Variants in TTC6 observed in about 807,000 individuals in gnomAD.
TTC6 encodes the protein tetratricopeptide repeat domain 6, also known as tetratricopeptide repeat protein 6.
In TTC6, 172 loss-of-function variants were observed where a neutral mutation model predicts 210.4. The observed-to-expected ratio is 0.82, with a 90% CI of 0.72 to 0.93. TTC6 has a LOEUF of 0.93. Among genes scored for constraint, TTC6 ranks in the 40% least tolerant of loss-of-function variants. The probability of loss-of-function intolerance (pLI) is 0.00; values close to 1 mark genes in which losing one functional copy is unlikely to be tolerated. For synonymous variants in TTC6, 804 were observed against 819.6 expected (o/e 0.98, Z 0.32); for missense variants, 2,414 against 2,318.1 (o/e 1.04, Z -0.85).
At chr14:37,700,391 T>C (rs1031719810) in intron 4 of TTC6, among the ~76,000 whole-genome samples, 13 of 152,174 alleles carry the variant, frequency 8.5e-5, no homozygotes, top group Middle Eastern at 3.4e-3. Context: ...ATCTGGCATA[T>C]AGTAGGTGCT....
intron 1 of TTC6, among the ~76,000 whole-genome samples, chr14:37,677,254 A>G (rs915461606): frequency 6.6e-6 from 1 of 151,968 alleles, no homozygotes; most frequent in East Asian, 1.9e-4. Context: ...ATTTTATACA[A>G]GTCTTGTGGT....
At chr14:37,623,586 T>G (rs181998089) in intron 1 of TTC6, among the ~76,000 whole-genome samples, 2 of 152,350 alleles carry the variant, frequency 1.3e-5, no homozygotes, top group East Asian at 3.9e-4. Flanking sequence ...CATGCATTTT[T>G]GTCCCCATGA....
At chr14:37,749,071 A>G in exon 11 of TTC6, 1 of 1,535,734 alleles carries the variant, frequency 6.5e-7, no homozygotes, top group Non-Finnish European at 8.7e-7. Context: ...CTAAGGGAGG[A>G]ATTCCAGAAA....
chr14:37,796,505 T>G (rs1450928097), intron 19 of TTC6, 135 bp downstream of exon 21: 1 of 538,958 alleles, frequency 1.9e-6, no homozygotes, highest in Non-Finnish European at 3.2e-6. Context: ...GTTTTATATG[T>G]ACATTGCCAA....
At chr14:37,635,083 C>T (rs536811371) in intron 1 of TTC6, among the ~76,000 whole-genome samples, 11 of 152,254 alleles carry the variant, frequency 7.2e-5, no homozygotes, top group Non-Finnish European at 1.0e-4. Flanking sequence ...TCTCCTCTTG[C>T]GTTTTCTAGA....
At chr14:37,836,218 A>G (rs977662847) in intron 29 of TTC6, among the ~76,000 whole-genome samples, 1 of 152,118 alleles carries the variant, frequency 6.6e-6, no homozygotes, top group Non-Finnish European at 1.5e-5. Context: ...TCTTTCTTAC[A>G]TCCTTAAGCT....
intron 6 of TTC6, among the ~76,000 whole-genome samples, chr14:37,716,800 A>G (rs989649677): frequency 5.9e-5 from 9 of 152,134 alleles, no homozygotes; most frequent in Non-Finnish European, 8.8e-5. Flanking sequence ...AACCTCATCA[A>G]CCAGTAGGTT....
intron 1 of TTC6, among the ~76,000 whole-genome samples, chr14:37,645,598 C>T (rs180914815): frequency 2.8e-4 from 43 of 152,300 alleles, no homozygotes; most frequent in African/African-American, 9.9e-4. Context: ...GAGAACATCA[C>T]ATTGAGCAGA....
intron 25 of TTC6, among the ~76,000 whole-genome samples, chr14:37,814,434 T>C (rs1209849907): frequency 6.6e-6 from 1 of 151,812 alleles, no homozygotes; most frequent in Non-Finnish European, 1.5e-5. Flanking sequence ...TAAAAAAATA[T>C]TAAAAGAATC....
chr14:37,827,914 A>T (rs2096176045), intron 29 of TTC6: 1 of 152,366 alleles, frequency 6.6e-6, no homozygotes, highest in Non-Finnish European at 1.5e-5. Flanking sequence ...TCCAGTAAAC[A>T]TCCTTTTGGA....
At chr14:37,616,174 G>A (rs1595013436) in intron 2 of TTC6, among the ~76,000 whole-genome samples, 1 of 152,192 alleles carries the variant, frequency 6.6e-6, no homozygotes, top group Admixed American at 6.5e-5. Flanking sequence ...GTCAGTCGGA[G>A]ACGTGTGGGG....
At chr14:37,839,355 G>A (rs1213962068) in intron 29 of TTC6, among the ~76,000 whole-genome samples, 2 of 152,124 alleles carry the variant, frequency 1.3e-5, no homozygotes, top group Non-Finnish European at 2.9e-5. Context: ...ACATGAGATG[G>A]TATCTCATTG....
intron 10 of TTC6, among the ~76,000 whole-genome samples, chr14:37,740,837 T>C (rs1017915243): frequency 6.6e-6 from 1 of 152,206 alleles, no homozygotes; most frequent in Admixed American, 6.5e-5. Context: ...TAAAGTATTA[T>C]GAATCTTCAC....
intron 1 of TTC6, among the ~76,000 whole-genome samples, chr14:37,669,338 A>G (rs1229706731): frequency 6.6e-6 from 1 of 152,178 alleles, no homozygotes; most frequent in Non-Finnish European, 1.5e-5. Context: ...CTGTTTGAGT[A>G]CAGTAAGTGG....
At chr14:37,651,834 G>A (rs566864460) in intron 1 of TTC6, among the ~76,000 whole-genome samples, 19 of 152,258 alleles carry the variant, frequency 1.2e-4, no homozygotes, top group Admixed American at 1.0e-3. Context: ...CAAATGGGGC[G>A]AAGCCAGGGT....
chr14:37,788,501 T>G (rs1002427524), intron 15 of TTC6, among the ~76,000 whole-genome samples: 10 of 152,202 alleles, frequency 6.6e-5, no homozygotes, highest in African/African-American at 2.4e-4. Context: ...CTAATTAATA[T>G]TAAAATAAAA....
intron 24 of TTC6, among the ~76,000 whole-genome samples, chr14:37,810,284 G>A (rs2096127047): frequency 6.6e-6 from 1 of 152,204 alleles, no homozygotes; most frequent in African/African-American, 2.4e-5. Context: ...CTGCCGGAAA[G>A]GTAACCCTGA....
chr14:37,817,629 G>T lies in TTC6; in HGVS notation c.4741G>T (p.Ala1581Ser), dbSNP rs138630691. 3.7e-6 allele frequency: 6 copies of T among 1,613,848 alleles called. No individual in the cohort carries two copies. In the African/African-American group the frequency reaches 4.0e-5, roughly 11 times the overall value. Reference sequence around the variant, plus strand: ...CCGGACTAACGGGAGCCTTTGTCACGCCACTGCCATGTGCCATCACAGGTA... The same window carrying T: ...CCGGACTAACGGGAGCCTTTGTCACTCCACTGCCATGTGCCATCACAGGTA... The change falls in exon 26 of 31, where the codon GCC (alanine) becomes TCC (serine). Residue 1581 changes from alanine to serine, a missense_variant. Physicochemically the swap from Ala to Ser is moderately conservative, Grantham distance 99. Coordinates refer to ENST00000553443, the Ensembl canonical transcript of TTC6.
exon 23 of TTC6, chr14:37,807,428 C>T (rs1227130258): frequency 6.5e-7 from 1 of 1,529,056 alleles, no homozygotes. Context: ...ACGTGCCTAT[C>T]TCTACAGAGG....
Sources: allele counts gnomAD v4.1 joint callset (sites outside exome capture counted in the v4.1 genomes callset), GRCh38; gene constraint gnomAD v4.1.1; transcripts MANE v1.5; gene names NCBI Gene and HGNC (gene_info 2026-07-23, HGNC 2026-07-21).